HAS3: variants seen among roughly 807,000 people sequenced by gnomAD.
The protein encoded by HAS3 is HA synthase 3.
A neutral mutation model predicts 50.3 loss-of-function variants in HAS3; 27 were observed. The observed-to-expected ratio is 0.54, with a 90% CI of 0.40 to 0.74. HAS3 has a LOEUF of 0.74. Among genes scored for constraint, HAS3 ranks in the 30% least tolerant of loss-of-function variants. HAS3 has a pLI of 0.00. For missense variants in HAS3, 517 were observed against 742.8 expected (o/e 0.70, Z 3.53); for synonymous variants, 339 against 310.9 (o/e 1.09, Z -0.95).
At position 69,117,230 on chromosome 16, in the gene HAS3, G is replaced by A. The variant is rs941484607; in HGVS notation, c.*1964G>A. ...GTGCAGAGTTCAGACTTCGCTAAGG[G>A]CTTGTTTTTCTTCAGCATTTACTTG... On this transcript the variant is annotated 3_prime_UTR_variant, in exon 4 of 4. Transcript: ENST00000569188. 1.9e-5 allele frequency: 19 copies of A among 985,826 alleles called. No individual in the cohort carries two copies. In the South Asian group the frequency reaches 8.0e-4, roughly 41 times the overall value. The allele number at this position is 985,826 out of a possible 1,614,324, so 61.1% of individuals were successfully genotyped here.
Position 69,115,771 on chromosome 16 carries a change from G to A in HAS3, c.*505G>A, listed in dbSNP as rs1961160244. The A allele has an allele frequency of 1.0e-6, 1 of 986,172 alleles. No homozygotes were observed. Among genetic ancestry groups the A allele is most frequent in the Admixed American group, 6.1e-5 (1 of 16,270 alleles). The allele number at this position is 986,172 out of a possible 1,614,324, so 61.1% of individuals were successfully genotyped here. On this transcript the variant is annotated 3_prime_UTR_variant, in exon 4 of 4. Coordinates refer to ENST00000569188, the MANE Select transcript of HAS3 (RefSeq NM_001199280.2). The stretch of plus-strand genomic sequence containing the variant: ...TCATCAATGCAATAAGATTGCGCCT[G>A]AGATACAAGGCCCAGAAGCCTGATC...
At chr16:69,105,206 C>T (rs895512601), upstream of HAS3, among the ~76,000 whole-genome samples, 1 of 151,368 alleles carries the variant, frequency 6.6e-6, no homozygotes, top group African/African-American at 2.4e-5. Context: ...CCACGGCGCC[C>T]GGCCACTCAT....
chr16:69,103,046 C>G (rs965168072), upstream of HAS3, among the ~76,000 whole-genome samples: 11 of 125,752 alleles, frequency 8.7e-5, no homozygotes, highest in African/African-American at 3.3e-4. Context: ...TGTGTGTTTC[C>G]TTCAACATTT....
chr16:69,114,691 C>T lies in HAS3; in HGVS notation c.1087C>T (p.Arg363Trp). Residue 363 changes from arginine (R) to tryptophan (W), a missense_variant, in exon 4 of 4, where the codon CGG becomes TGG. By Grantham distance (101) the Arg-to-Trp change is moderately radical. Coordinates refer to ENST00000569188, the MANE Select transcript of HAS3 (RefSeq NM_001199280.2). This position sits in a 1 kb window ranked among gnomAD's most constrained non-coding sequence, Gnocchi z 6.4. Reference sequence around the variant, plus strand: ...AACCCGCTGGAGCAAGTCTTACTTCCGGGAGTGGCTCTACAACTCTCTGTG... The same window carrying T: ...AACCCGCTGGAGCAAGTCTTACTTCTGGGAGTGGCTCTACAACTCTCTGTG... Reference protein sequence around the residue: ...QQTRWSKSYFREWLYNSLWFH... With the variant: ...QQTRWSKSYFWEWLYNSLWFH... The T allele has an allele frequency of 1.2e-6, 2 of 1,614,122 alleles. No homozygotes were observed. The highest frequency in any genetic ancestry group is 1.7e-6 in the Non-Finnish European group (2 of 1,180,024).
At chr16:69,097,426 G>A in the HAS3 span, among the ~76,000 whole-genome samples, 1 of 149,200 alleles carries the variant, frequency 6.7e-6, no homozygotes, top group East Asian at 2.0e-4. Flanking sequence ...CAGCCTGGGT[G>A]ACAGAGCGAG....
chr16:69,102,524 T>A (rs1266344257), upstream of HAS3, among the ~76,000 whole-genome samples: 1 of 152,162 alleles, frequency 6.6e-6, no homozygotes, highest in East Asian at 1.9e-4. Context: ...AGGTAAAGAC[T>A]CTCTTATCTG....
chr16:69,115,090 G>A lies in HAS3; in HGVS notation c.1486G>A (p.Ala496Thr), dbSNP rs948852773. 5.0e-6 allele frequency: 8 copies of A among 1,613,054 alleles called. No homozygotes were observed. The highest frequency in any genetic ancestry group is 6.8e-6 in the Non-Finnish European group (8 of 1,179,414). ...GGTGGCAGTTCTCCTGGGAGGGCTG[G>A]CCTACACAGCTTATTGCCAGGACCT... ...IWVAVLLGGL[A>T]YTAYCQDLFS... The change falls in exon 4 of 4, where the codon GCC becomes ACC. Residue 496 changes from alanine (A) to threonine (T), a missense_variant. By Grantham distance (58) the Ala-to-Thr change is moderately conservative (BLOSUM62 0). Transcript: ENST00000569188.
rs981571289 is a variant in HAS3 at position 69,107,638 on chromosome 16, C to A, written c.1-1758C>A. On this transcript the variant is annotated intron_variant, in intron 1 of 3. Transcript: ENST00000569188. This position sits in a 1 kb window ranked among gnomAD's most constrained non-coding sequence, Gnocchi z 5.5. ...AGGTTGCTGGGCTGGCCTTGGCGCC[C>A]CCTTCCCCTACCCAGAGCGCAGGCA... 3.0e-6 allele frequency: 3 copies of A among 985,404 alleles called. No individual in the cohort carries two copies. The highest frequency in any genetic ancestry group is 1.7e-5 in the African/African-American group (1 of 57,236). The allele number at this position is 985,404 out of a possible 1,614,324, so 61.0% of individuals were successfully genotyped here.
At chr16:69,085,237 A>G in the HAS3 span, 1 of 152,292 alleles carries the variant, frequency 6.6e-6, no homozygotes, top group Non-Finnish European at 1.5e-5. Context: ...TGCACAATCC[A>G]TTTTACTTAC....
the HAS3 span, chr16:69,084,908 A>G: frequency 6.6e-5 from 10 of 152,352 alleles, no homozygotes; most frequent in South Asian, 2.1e-4. Context: ...GATCACAGAC[A>G]TGGTTCTGAG....
Position 69,115,694 on chromosome 16 carries a change from T to A in HAS3, c.*428T>A. 5 of 991,832 alleles carry A rather than the reference T, an allele frequency of 5.0e-6. No individual in the cohort carries two copies. The highest frequency in any genetic ancestry group is 6.0e-6 in the Non-Finnish European group (5 of 834,474). The allele number at this position is 991,832 out of a possible 1,614,324, so 61.4% of individuals were successfully genotyped here. On this transcript the variant is annotated 3_prime_UTR_variant, in exon 4 of 4. Transcript: ENST00000569188. The stretch of plus-strand genomic sequence containing the variant: ...CCAGAGGTGGCAGGAGAATTTCTAC[T>A]GAGCGAGCTGGGCCGGTTAGTGTAT...
the HAS3 span, chr16:69,084,848 C>A: frequency 3.3e-5 from 5 of 152,338 alleles, no homozygotes; most frequent in African/African-American, 7.2e-5. Context: ...AGGATCTATA[C>A]ACAAACATGG....
At chr16:69,089,660 C>T in the HAS3 span, among the ~76,000 whole-genome samples, 2 of 152,178 alleles carry the variant, frequency 1.3e-5, no homozygotes, top group African/African-American at 4.8e-5. Flanking sequence ...GCAGGCAGAG[C>T]TCAGGGCTGT....
At chr16:69,086,860 C>T in the HAS3 span, among the ~76,000 whole-genome samples, 4 of 152,152 alleles carry the variant, frequency 2.6e-5, no homozygotes, top group African/African-American at 4.8e-5. Flanking sequence ...GCCGAGATTG[C>T]GCCATTGCAC....
the HAS3 span, among the ~76,000 whole-genome samples, chr16:69,086,642 C>T: frequency 3.9e-5 from 6 of 151,934 alleles, no homozygotes; most frequent in South Asian, 2.1e-4. Flanking sequence ...CAGTGGCTTA[C>T]GCCTGTAATC....
At position 69,109,004 on chromosome 16, in the gene HAS3, A is replaced by G. The variant is rs1960904523; in HGVS notation, c.1-392A>G. Among the ~76,000 whole-genome samples the G allele has an allele frequency of 2.0e-5, 3 of 152,244 alleles. No homozygotes were observed. The highest frequency in any genetic ancestry group is 4.2e-4 in the South Asian group (2 of 4,812). ...AGCTGCCTCAGGCTCACCCCCTTGAAGCTTACCTCTTCAGCGCTTTGGGCC... is the reference window on the plus strand; with the variant it reads ...AGCTGCCTCAGGCTCACCCCCTTGAGGCTTACCTCTTCAGCGCTTTGGGCC... On this transcript the variant is annotated intron_variant, in intron 1 of 3. Transcript: ENST00000569188. The surrounding 1 kb of genome is among the most constrained non-coding windows in gnomAD (Gnocchi z 5.3).
chr16:69,115,433 GCT>G lies in HAS3; in HGVS notation c.*170_*171del. ...AACGGTGATGTAGTATGGCCTGACA[GCT>G]CTGTTTAGAGGAGGCAACACTGATC... On this transcript the variant is annotated 3_prime_UTR_variant, in exon 4 of 4. Transcript: ENST00000569188. 1 of 1,349,242 alleles carries G rather than the reference GCT, an allele frequency of 7.4e-7. No homozygotes were observed. The highest frequency in any genetic ancestry group is 9.5e-7 in the Non-Finnish European group (1 of 1,055,658). 83.6% of individuals were successfully genotyped at this position (1,349,242 alleles called of 1,614,324 possible).
chr16:69,114,543 C>T lies in HAS3; in HGVS notation c.939C>T (p.Ser313=). ...AGAAGTTCCTAGGCAGCAAGTGCAG[C>T]TTCGGGGATGACCGGCACCTCACCA... ...YHQKFLGSKC[S]FGDDRHLTNR... Residue 313 remains serine (S), a synonymous_variant, in exon 4 of 4, where the codon AGC becomes AGT. Transcript: ENST00000569188. The surrounding 1 kb of genome is among the most constrained non-coding windows in gnomAD (Gnocchi z 6.4). 1 of 1,614,112 alleles carries T rather than the reference C, an allele frequency of 6.2e-7. No individual in the cohort carries two copies. Among genetic ancestry groups the T allele is most frequent in the Non-Finnish European group, 8.5e-7 (1 of 1,180,024 alleles).
upstream of HAS3, among the ~76,000 whole-genome samples, chr16:69,104,656 C>G (rs570339613): frequency 1.3e-5 from 2 of 152,144 alleles, no homozygotes; most frequent in African/African-American, 4.8e-5. Flanking sequence ...GTTGCCCAGG[C>G]TGGTCTTGAA....
Sources: gnomAD v4.1 joint callset for allele counts (sites outside exome capture counted in the v4.1 genomes callset) on GRCh38, gnomAD v4.1.1 for gene constraint, Gnocchi (gnomAD v3.1) non-coding constraint, MANE v1.5 for transcripts, NCBI Gene and HGNC (gene_info 2026-07-23, HGNC 2026-07-21) for gene names.